The following CDH4 variants were observed in gnomAD, a reference collection of about 807,000 sequenced individuals.
CDH4 encodes the protein cadherin 4.
A neutral mutation model predicts 86.0 loss-of-function variants in CDH4; 33 were observed. That is an observed-to-expected ratio of 0.38 (90% CI 0.29 to 0.51). The LOEUF (loss-of-function observed/expected upper bound fraction) is 0.51. Among genes scored for constraint, CDH4 ranks in the 20% least tolerant of loss-of-function variants. The pLI is 0.86. For missense variants in CDH4, 1,114 were observed against 1,307.4 expected, an observed-to-expected ratio of 0.85 and a Z score of 2.28; for synonymous variants, 555 against 549.4, an observed-to-expected ratio of 1.01 and a Z score of -0.14.
chr20:61,586,870 A>T (rs2086480625), intron 2 of CDH4, among the ~76,000 whole-genome samples: 1 of 152,154 alleles, frequency 6.6e-6, no homozygotes, highest in Admixed American at 6.6e-5. Flanking sequence ...ACTGAGGCAC[A>T]TTATTTAATT....
chr20:61,608,448 A>C (rs996199590), intron 2 of CDH4, among the ~76,000 whole-genome samples: 1 of 152,148 alleles, frequency 6.6e-6, no homozygotes, highest in African/African-American at 2.4e-5. Context: ...GTCCAGCAGC[A>C]CCTGGCCCTG....
chr20:61,881,362 G>C (rs1984267735), intron 7 of CDH4, among the ~76,000 whole-genome samples: 1 of 152,240 alleles, frequency 6.6e-6, no homozygotes, highest in African/African-American at 2.4e-5. Context: ...AAAGTGCCAA[G>C]TGTGGTCCCG....
At chr20:61,671,974 T>C (rs1255871403) in intron 2 of CDH4, among the ~76,000 whole-genome samples, 3 of 147,114 alleles carry the variant, frequency 2.0e-5, no homozygotes, top group African/African-American at 7.5e-5. Flanking sequence ...AATAAGCGGG[T>C]AGATAGATGG....
At chr20:61,806,802 T>C (rs1236379555) in intron 4 of CDH4, among the ~76,000 whole-genome samples, 2 of 152,138 alleles carry the variant, frequency 1.3e-5, no homozygotes, top group Non-Finnish European at 2.9e-5. Context: ...GCCACACACA[T>C]GTGCACACCG....
At chr20:61,916,573 C>G (rs991247775) in intron 9 of CDH4, among the ~76,000 whole-genome samples, 1 of 152,170 alleles carries the variant, frequency 6.6e-6, no homozygotes, top group African/African-American at 2.4e-5. Context: ...ACTGCTGTCC[C>G]GAGCTGGGGA....
intron 2 of CDH4, among the ~76,000 whole-genome samples, chr20:61,362,321 G>A (rs767329854): frequency 4.6e-5 from 7 of 151,480 alleles, no homozygotes; most frequent in Non-Finnish European, 7.4e-5. Context: ...GAGCGGAGAC[G>A]TGGCCTAGGA....
At chr20:61,323,412 C>T (rs972773446) in intron 2 of CDH4, among the ~76,000 whole-genome samples, 2 of 152,220 alleles carry the variant, frequency 1.3e-5, no homozygotes, top group Admixed American at 6.5e-5. Context: ...TCATGGCTCA[C>T]GTGCAGCCTG....
chr20:61,788,189 C>T (rs1476118973), intron 4 of CDH4, among the ~76,000 whole-genome samples: 2 of 152,308 alleles, frequency 1.3e-5, no homozygotes, highest in Non-Finnish European at 2.9e-5. Context: ...AATCTTATCA[C>T]AGACTGGACA....
intron 2 of CDH4, among the ~76,000 whole-genome samples, chr20:61,390,349 C>A (rs1228780461): frequency 7.5e-6 from 1 of 133,048 alleles, no homozygotes; most frequent in Non-Finnish European, 1.6e-5. Context: ...GTCTAGGAAA[C>A]CCCGATTGGG....
chr20:61,650,121 C>T (rs1330326623), intron 2 of CDH4, among the ~76,000 whole-genome samples: 1 of 152,224 alleles, frequency 6.6e-6, no homozygotes, highest in Non-Finnish European at 1.5e-5. Context: ...TCCTCCATGC[C>T]GCTGCCCGGC....
At chr20:61,579,926 A>C (rs564330173) in intron 2 of CDH4, among the ~76,000 whole-genome samples, 5 of 151,234 alleles carry the variant, frequency 3.3e-5, no homozygotes, top group Admixed American at 2.6e-4. Context: ...GGCTAATTAA[A>C]TTGCATACAC....
chr20:61,639,142 C>T (rs1299553922), intron 2 of CDH4, among the ~76,000 whole-genome samples: 7 of 152,202 alleles, frequency 4.6e-5, no homozygotes, highest in South Asian at 2.1e-4. Flanking sequence ...CAGTATCTGG[C>T]GACGGTTCTG....
chr20:61,322,277 G>A (rs1189188240), intron 2 of CDH4, among the ~76,000 whole-genome samples: 1 of 152,168 alleles, frequency 6.6e-6, no homozygotes, highest in African/African-American at 2.4e-5. Context: ...ACAGGAGAGG[G>A]GAGGCTGCTA....
intron 3 of CDH4, among the ~76,000 whole-genome samples, chr20:61,755,775 T>A (rs1568797610): frequency 5.5e-5 from 8 of 145,186 alleles, no homozygotes; most frequent in Non-Finnish European, 1.5e-5. Context: ...TACACACATA[T>A]ACACACCACA....
intron 2 of CDH4, among the ~76,000 whole-genome samples, chr20:61,560,789 G>C (rs1568686036): frequency 6.6e-6 from 1 of 152,234 alleles, no homozygotes; most frequent in Non-Finnish European, 1.5e-5. Flanking sequence ...TCAGCCTGGG[G>C]GCCCTCAGTC....
chr20:61,746,539 T>G (rs2088416746), intron 3 of CDH4, among the ~76,000 whole-genome samples: 3 of 151,306 alleles, frequency 2.0e-5, no homozygotes, highest in African/African-American at 2.4e-5. Context: ...GGGGAAGGAG[T>G]GGAAAAGGAC....
chr20:61,624,871 A>G (rs2086815454), intron 2 of CDH4, among the ~76,000 whole-genome samples: 1 of 152,198 alleles, frequency 6.6e-6, no homozygotes, highest in African/African-American at 2.4e-5. Context: ...ACCGCCTGCC[A>G]GGCGCCCCTT....
intron 4 of CDH4, among the ~76,000 whole-genome samples, chr20:61,826,975 G>GTA (rs1981351354): frequency 1.1e-5 from 1 of 93,620 alleles, no homozygotes; most frequent in African/African-American, 3.0e-5. Context: ...GTGTGTGTGT[G>GTA]TGTGTGTGTG....
intron 2 of CDH4, among the ~76,000 whole-genome samples, chr20:61,533,296 G>A (rs1180234982): frequency 6.6e-6 from 1 of 152,154 alleles, no homozygotes; most frequent in African/African-American, 2.4e-5. Context: ...GCGGCTGGGC[G>A]AGCAGCACGG....
Sources: gnomAD v4.1 joint callset for allele counts (sites outside exome capture counted in the v4.1 genomes callset) on GRCh38, gnomAD v4.1.1 for gene constraint, MANE v1.5 for transcripts, NCBI Gene and HGNC (gene_info 2026-07-23, HGNC 2026-07-21) for gene names.